The following PDE4D variants were observed in gnomAD, a reference collection of about 807,000 sequenced individuals.
PDE4D encodes the protein phosphodiesterase 4D.
A neutral mutation model predicts 87.4 loss-of-function variants in PDE4D; 24 were observed. The observed-to-expected ratio is 0.27, with a 90% confidence interval of 0.20 to 0.39. The LOEUF (loss-of-function observed/expected upper bound fraction) is 0.39, where lower values mean the gene tolerates loss of function less well. Ranked by LOEUF, PDE4D falls within the 10% of genes least tolerant of loss-of-function variation. The pLI is 1.00. For missense variants in PDE4D, 714 were observed against 1,041.0 expected, an observed-to-expected ratio of 0.69 and a Z score of 4.32; for synonymous variants, 384 against 383.2, an observed-to-expected ratio of 1.00 and a Z score of -0.02.
chr5:59,225,465 G>A lies in PDE4D; in HGVS notation c.456-9497C>T, dbSNP rs12656944. ...CTCCAGATATTTTGTTCTTTTTCAA[G>A]ATTGTTTTGACTATTCAGCCTTTTG... On this transcript the variant is annotated intron_variant, in intron 1 of 14. Coordinates refer to ENST00000340635, the MANE Select transcript of PDE4D (RefSeq NM_001104631.2). Among the ~76,000 whole-genome samples, 4,947 of 152,018 alleles carry A rather than the reference G, an allele frequency of 0.033. 534 individuals are homozygous for A. In the East Asian group the frequency reaches 0.38, roughly 12 times the overall value.
At chr5:59,156,329 ATATG>A (rs1424778995) in intron 5 of PDE4D, among the ~76,000 whole-genome samples, 3 of 133,508 alleles carry the variant, frequency 2.2e-5, no homozygotes, top group East Asian at 4.4e-4. Flanking sequence ...AAATATATAT[ATATG>A]TGTGTGTGTG....
At chr5:59,728,364 A>T (rs1300000345) in intron 1 of PDE4D, among the ~76,000 whole-genome samples, 1 of 152,148 alleles carries the variant, frequency 6.6e-6, no homozygotes, top group Non-Finnish European at 1.5e-5. Flanking sequence ...CTTTGGTTTG[A>T]TTTAAAAATC....
chr5:59,660,990 A>G (rs1405624978), intron 1 of PDE4D, among the ~76,000 whole-genome samples: 1 of 151,326 alleles, frequency 6.6e-6, no homozygotes, highest in Non-Finnish European at 1.5e-5. Flanking sequence ...GCTAATGCTG[A>G]AAGGATACAG....
At chr5:60,309,857 A>G (rs1754845582) in intron 1 of PDE4D, among the ~76,000 whole-genome samples, 1 of 152,250 alleles carries the variant, frequency 6.6e-6, no homozygotes, top group African/African-American at 2.4e-5. Flanking sequence ...ATTATTAAGC[A>G]TAAGACCTAG....
intron 1 of PDE4D, among the ~76,000 whole-genome samples, chr5:59,230,956 C>T (rs1380266302): frequency 6.6e-6 from 1 of 152,104 alleles, no homozygotes; most frequent in Admixed American, 6.6e-5. Flanking sequence ...AATCACTTGC[C>T]TCTTCAATTC....
intron 1 of PDE4D, among the ~76,000 whole-genome samples, chr5:60,473,120 AAAGAAAGG>A (rs1187367022): frequency 1.1e-4 from 6 of 57,026 alleles, no homozygotes; most frequent in East Asian, 3.5e-4. Flanking sequence ...AGAGAGAGAG[AAAGAAAGG>A]AAGGAAGGAA....
At chr5:59,637,147 C>T (rs950666031) in intron 1 of PDE4D, among the ~76,000 whole-genome samples, 1 of 152,124 alleles carries the variant, frequency 6.6e-6, no homozygotes, top group African/African-American at 2.4e-5. Flanking sequence ...ATGAAAAAAG[C>T]TCATCATCAC....
At chr5:60,107,367 T>C (rs1232563583) in intron 2 of PDE4D, among the ~76,000 whole-genome samples, 5 of 152,056 alleles carry the variant, frequency 3.3e-5, no homozygotes, top group South Asian at 2.1e-4. Flanking sequence ...CAATAATCAA[T>C]AGCTTACCAA....
chr5:60,460,165 C>T (rs1439329113), intron 1 of PDE4D: 1 of 1,589,710 alleles, frequency 6.3e-7, no homozygotes, highest in African/African-American at 1.3e-5. Context: ...CTGCATTTGA[C>T]TTGAACATTT....
At chr5:59,388,626 TAC>T (rs71604788) in intron 1 of PDE4D, among the ~76,000 whole-genome samples, 45 of 148,124 alleles carry the variant, frequency 3.0e-4, no homozygotes, top group South Asian at 6.5e-4. Context: ...GAAAATGTGG[TAC>T]ACACACACAC....
chr5:59,264,475 C>A (rs1323279055), intron 1 of PDE4D, among the ~76,000 whole-genome samples: 1 of 151,962 alleles, frequency 6.6e-6, no homozygotes, highest in African/African-American at 2.4e-5. Context: ...AAAAAGTTGT[C>A]TGCTAACATC....
In PDE4D at chr5:59,561,956, A is replaced by T. The variant is rs190343221; in HGVS notation, c.455+331212T>A. ...AAAAAAAAAAAAAAAAATTAAATAAAATGTAGATTAACTCCTGAAAGTGAA... is the reference window on the plus strand; with the variant it reads ...AAAAAAAAAAAAAAAAATTAAATAATATGTAGATTAACTCCTGAAAGTGAA... On this transcript the variant is annotated intron_variant, in intron 1 of 14. Transcript: ENST00000340635. Among the ~76,000 whole-genome samples, 657 of 152,154 alleles carry T rather than the reference A, an allele frequency of 4.3e-3. 3 individuals carry two copies. Among genetic ancestry groups the T allele is most frequent in the African/African-American group, 0.015 (611 of 41,530 alleles).
intron 1 of PDE4D, among the ~76,000 whole-genome samples, chr5:59,438,795 G>GA (rs112978513): frequency 6.7e-4 from 99 of 147,040 alleles, no homozygotes; most frequent in East Asian, 3.2e-3. Flanking sequence ...ATGATCCAAG[G>GA]AAAAAAAAAC....
chr5:59,532,916 G>A (rs1000211264), intron 1 of PDE4D, among the ~76,000 whole-genome samples: 1 of 152,108 alleles, frequency 6.6e-6, no homozygotes, highest in Admixed American at 6.5e-5. Flanking sequence ...GTCTAGTCCA[G>A]GCTCTTTTTG....
chr5:59,631,914 G>A (rs1043269031), intron 1 of PDE4D, among the ~76,000 whole-genome samples: 1 of 152,192 alleles, frequency 6.6e-6, no homozygotes, highest in African/African-American at 2.4e-5. Context: ...CCCCTGGAAG[G>A]GGGCTGAAGC....
chr5:59,124,131 T>C (rs1775016369), intron 5 of PDE4D, among the ~76,000 whole-genome samples: 1 of 152,220 alleles, frequency 6.6e-6, no homozygotes. Context: ...GACAGGTATC[T>C]GTAAGTTATA....
intron 5 of PDE4D, among the ~76,000 whole-genome samples, chr5:59,111,198 C>T (rs150162260): frequency 3.2e-4 from 48 of 152,334 alleles, no homozygotes; most frequent in African/African-American, 1.1e-3. Context: ...TTCAATGCTT[C>T]ATGCAAACTA....
intron 6 of PDE4D, among the ~76,000 whole-genome samples, chr5:58,996,651 C>G (rs1749306477): frequency 1.3e-5 from 2 of 152,136 alleles, no homozygotes; most frequent in Admixed American, 1.3e-4. Context: ...GGTTTATCTT[C>G]TAACTTGTAC....
chr5:59,690,630 A>G (rs1750747847), intron 1 of PDE4D, among the ~76,000 whole-genome samples: 2 of 152,200 alleles, frequency 1.3e-5, no homozygotes, highest in Admixed American at 1.3e-4. Flanking sequence ...AAGAAAACCT[A>G]GGCAATACCA....
Sources: gnomAD v4.1 joint callset for allele counts (sites outside exome capture counted in the v4.1 genomes callset) on GRCh38, gnomAD v4.1.1 for gene constraint, MANE v1.5 for transcripts, NCBI Gene and HGNC (gene_info 2026-07-23, HGNC 2026-07-21) for gene names.